The following ORC5 variants were observed in gnomAD, a reference collection of about 807,000 sequenced individuals.
ORC5 encodes the protein protein phosphatase 1, regulatory subunit 117.
ORC5 carries 39 observed loss-of-function variants against 58.8 expected under a neutral mutation model. That is an observed-to-expected ratio of 0.66 (90% confidence interval 0.51 to 0.87). ORC5 has a LOEUF of 0.87. Among genes scored for constraint, ORC5 ranks in the 40% least tolerant of loss-of-function variants. ORC5 has a pLI of 0.00. For synonymous variants in ORC5, 218 were observed against 177.6 expected, an observed-to-expected ratio of 1.23 and a Z score of -1.81; for missense variants, 493 against 506.3, an observed-to-expected ratio of 0.97 and a Z score of 0.25.
intron 13 of ORC5, among the ~76,000 whole-genome samples, chr7:104,131,678 C>T (rs1027335979): frequency 6.6e-6 from 1 of 151,840 alleles, no homozygotes; most frequent in African/African-American, 2.4e-5. Context: ...ATGGCAAAAC[C>T]CCATCTCTAC....
intron 8 of ORC5, among the ~76,000 whole-genome samples, chr7:104,183,232 A>G (rs1187139191): frequency 1.4e-5 from 2 of 139,542 alleles, no homozygotes; most frequent in Non-Finnish European, 2.9e-5. Context: ...CACAAAATTA[A>G]CTTAACAACG....
intron 12 of ORC5, among the ~76,000 whole-genome samples, chr7:104,156,063 T>C (rs946973197): frequency 2.0e-5 from 3 of 151,644 alleles, no homozygotes; most frequent in African/African-American, 7.2e-5. Flanking sequence ...CATTCTATCT[T>C]ATGATGAGAG....
At chr7:104,170,218 G>A (rs574886149) in intron 8 of ORC5, among the ~76,000 whole-genome samples, 89 of 152,090 alleles carry the variant, frequency 5.9e-4, no homozygotes, top group African/African-American at 2.1e-3. Flanking sequence ...GTTTTTTTCT[G>A]TTATTTTTAA....
In ORC5 at chr7:104,136,301, C is replaced by T. The variant is rs992297345; in HGVS notation, c.1262+480G>A. On this transcript the variant is annotated intron_variant, in intron 13 of 13. Coordinates refer to ENST00000297431, the MANE Select transcript of ORC5 (RefSeq NM_002553.4). This position sits in a 1 kb window ranked among gnomAD's most constrained non-coding sequence, Gnocchi z 4.2. Reference sequence around the variant, plus strand: ...GTATCCATTTGTCTCTCTGAAAACTCTAAACACAGCACAGCACACTAGATT... The same window carrying T: ...GTATCCATTTGTCTCTCTGAAAACTTTAAACACAGCACAGCACACTAGATT... 6.6e-6 allele frequency among the ~76,000 whole-genome samples: 1 copy of T among 151,982 alleles called. No homozygotes were observed. Among genetic ancestry groups the T allele is most frequent in the Non-Finnish European group, 1.5e-5 (1 of 68,024 alleles).
chr7:104,201,326 T>C (rs933362699), intron 2 of ORC5, among the ~76,000 whole-genome samples: 4 of 152,150 alleles, frequency 2.6e-5, no homozygotes, highest in African/African-American at 9.7e-5. Context: ...TTGGTTCCAA[T>C]AACAGCTCCT....
At chr7:104,157,817 C>T (rs1426534873) in intron 12 of ORC5, among the ~76,000 whole-genome samples, 1 of 152,022 alleles carries the variant, frequency 6.6e-6, no homozygotes, top group Non-Finnish European at 1.5e-5. Flanking sequence ...TACTATGATG[C>T]TACTATTACA....
At position 104,177,374 on chromosome 7, in the gene ORC5, T is replaced by C. The variant is rs1005193740; in HGVS notation, c.824+6569A>G. On this transcript the variant is annotated intron_variant, in intron 8 of 13. Coordinates refer to ENST00000297431, the MANE Select transcript of ORC5 (RefSeq NM_002553.4). ...CTATCACTACACATAAAAGTTAGGT[T>C]ATAAACATATTTATAAAATTACAAA... Among the ~76,000 whole-genome samples the C allele has an allele frequency of 2.6e-5, 4 of 152,166 alleles. No homozygotes were observed. In the South Asian group the frequency reaches 8.3e-4, roughly 32 times the overall value.
intron 11 of ORC5, among the ~76,000 whole-genome samples, chr7:104,162,096 T>C (rs6961789): frequency 0.13 from 19,582 of 152,260 alleles, 1,580 homozygotes; most frequent in East Asian, 0.19. Flanking sequence ...CAAACTCATA[T>C]AGTATAATTC....
At chr7:104,158,356 C>T (rs1039964449) in intron 12 of ORC5, among the ~76,000 whole-genome samples, 5 of 152,076 alleles carry the variant, frequency 3.3e-5, no homozygotes, top group African/African-American at 4.8e-5. Flanking sequence ...AACGTTAGAC[C>T]TAAAACCATA....
intron 8 of ORC5, among the ~76,000 whole-genome samples, chr7:104,180,948 T>G (rs886653206): frequency 2.0e-5 from 3 of 152,212 alleles, no homozygotes; most frequent in Non-Finnish European, 4.4e-5. Context: ...ATTGTTCTGA[T>G]TTTTATCTAA....
chr7:104,155,605 A>G (rs1798913441), intron 12 of ORC5, among the ~76,000 whole-genome samples: 1 of 151,616 alleles, frequency 6.6e-6, no homozygotes, highest in African/African-American at 2.4e-5. Flanking sequence ...GATCAATGAA[A>G]ATTAAAACAT....
chr7:104,164,378 C>A (rs1463077067), intron 11 of ORC5, among the ~76,000 whole-genome samples: 6 of 152,168 alleles, frequency 3.9e-5, no homozygotes, highest in African/African-American at 1.4e-4. Context: ...GAGCCATGAT[C>A]ACGCCATTGC....
chr7:104,195,001 T>G, intron 5 of ORC5, 142 bp downstream of exon 5: 1 of 481,432 alleles, frequency 2.1e-6, no homozygotes, highest in Non-Finnish European at 3.5e-6. Context: ...AATTCCCATT[T>G]GAATATCAAA....
chr7:104,164,803 G>A (rs575053553), intron 11 of ORC5, among the ~76,000 whole-genome samples: 7 of 152,212 alleles, frequency 4.6e-5, no homozygotes, highest in African/African-American at 1.4e-4. Context: ...AGGTTTTAGC[G>A]TTTTCTCTAA....
intron 8 of ORC5, among the ~76,000 whole-genome samples, chr7:104,168,791 C>T (rs1442064817): frequency 6.6e-6 from 1 of 152,114 alleles, no homozygotes; most frequent in Admixed American, 6.6e-5. Context: ...TATCAAAAAA[C>T]TTCACCCAGG....
At chr7:104,161,772 C>T (rs185542858) in intron 11 of ORC5, among the ~76,000 whole-genome samples, 189 of 152,268 alleles carry the variant, frequency 1.2e-3, no homozygotes, top group African/African-American at 4.1e-3. Context: ...CACAGTCATC[C>T]GGTCTAGTCC....
At chr7:104,170,192 G>C (rs1799185598) in intron 8 of ORC5, among the ~76,000 whole-genome samples, 1 of 151,900 alleles carries the variant, frequency 6.6e-6, no homozygotes, top group Non-Finnish European at 1.5e-5. Context: ...TTTATTTTTT[G>C]CCTGAAAGCT....
intron 8 of ORC5, among the ~76,000 whole-genome samples, chr7:104,176,148 TTG>T (rs1799317546): frequency 6.6e-6 from 1 of 152,204 alleles, no homozygotes; most frequent in Admixed American, 6.5e-5. Flanking sequence ...GTATATGTGT[TTG>T]TGTTTATACA....
At chr7:104,145,976 G>A (rs962419015) in intron 12 of ORC5, among the ~76,000 whole-genome samples, 7 of 152,152 alleles carry the variant, frequency 4.6e-5, no homozygotes, top group Non-Finnish European at 7.4e-5. Context: ...AGACATGCTC[G>A]AACAAGGTAA....
Sources: allele counts gnomAD v4.1 joint callset (sites outside exome capture counted in the v4.1 genomes callset), GRCh38; gene constraint gnomAD v4.1.1; non-coding constraint Gnocchi (gnomAD v3.1); transcripts MANE v1.5; gene names NCBI Gene and HGNC (gene_info 2026-07-23, HGNC 2026-07-21).